The following UGT2B4 variants were observed in gnomAD, a reference collection of about 807,000 sequenced individuals.
UGT2B4 encodes the protein UDP glucuronosyltransferase family 2 member B4, also known as UDP-glucuronosyltransferase 2B4.
UGT2B4 carries 49 observed loss-of-function variants against 49.8 expected under a neutral mutation model. The observed-to-expected ratio is 0.98, with a 90% CI of 0.78 to 1.25. UGT2B4 has a LOEUF of 1.25. UGT2B4 is among the 50% of genes most tolerant of loss of function. The probability of loss-of-function intolerance (pLI) is 0.00; values close to 1 mark genes in which losing one functional copy is unlikely to be tolerated. For synonymous variants in UGT2B4, 246 were observed against 217.7 expected, an observed-to-expected ratio of 1.13 and a Z score of -1.14; for missense variants, 729 against 627.7, an observed-to-expected ratio of 1.16 and a Z score of -1.73.
At chr4:69,501,197 A>G (rs1053201874) in intron 1 of UGT2B4, among the ~76,000 whole-genome samples, 1 of 138,846 alleles carries the variant, frequency 7.2e-6, no homozygotes, top group African/African-American at 2.7e-5. Context: ...CTGTTTGAGC[A>G]ACTTAGCTGT....
At position 69,523,198 on chromosome 4, in the gene UGT2B4, A is replaced by AAAAAT. The variant is rs1577907815; in HGVS notation, c.-106+2488_-106+2489insATTTT. Among the ~76,000 whole-genome samples, 4 of 152,168 alleles carry AAAAAT rather than the reference A, an allele frequency of 2.6e-5. No homozygotes were observed. In the East Asian group the frequency reaches 5.8e-4, roughly 22 times the overall value. The stretch of plus-strand genomic sequence containing the variant: ...TTTTAACCTGGTCTCATAAGTTATG[A>AAAAAT]CTACTTCAAATATCTTCTAAAATGG... On this transcript the variant is annotated intron_variant, in intron 1 of 1. Transcript: ENST00000510114.
chr4:69,518,356 G>C (rs1728779940), intron 1 of UGT2B4: 1 of 152,240 alleles, frequency 6.6e-6, no homozygotes, highest in Non-Finnish European at 1.5e-5. Context: ...CAGCACAGCA[G>C]AGCTGAGGTA....
At chr4:69,483,290 C>T (rs772575881) in intron 5 of UGT2B4, among the ~76,000 whole-genome samples, 2 of 152,048 alleles carry the variant, frequency 1.3e-5, no homozygotes, top group Non-Finnish European at 2.9e-5. Flanking sequence ...TGACCCTCCC[C>T]ATGTAACTTC....
Position 69,493,435 on chromosome 4 carries a change from C to G in UGT2B4, c.870+258G>C, listed in dbSNP as rs188235323. 7.2e-5 allele frequency among the ~76,000 whole-genome samples: 11 copies of G among 152,180 alleles called. No individual in the cohort carries two copies. The East Asian group carries it at 2.1e-3, about 29-fold the overall frequency. On this transcript the variant is annotated intron_variant, in intron 2 of 5. Transcript: ENST00000305107. ...TATTCTTTGAATGAATGGCCAGTAC[C>G]TTCTTATATGTTGCATAATCAAAGC... is the stretch of plus-strand genomic sequence containing the variant.
intron 1 of UGT2B4, among the ~76,000 whole-genome samples, chr4:69,525,344 A>T (rs1279594497): frequency 6.6e-6 from 1 of 152,164 alleles, no homozygotes; most frequent in African/African-American, 2.4e-5. Flanking sequence ...GTGAATACTG[A>T]CTGCATCTGA....
At position 69,485,205 on chromosome 4, in the gene UGT2B4, C is replaced by G. The variant is rs916548300; in HGVS notation, c.1310+3G>C. 34 of 1,613,714 alleles carry G rather than the reference C, an allele frequency of 2.1e-5. No individual in the cohort carries two copies. In the South Asian group the frequency reaches 3.4e-4, roughly 16 times the overall value. On this transcript the variant is annotated splice_donor_region_variant and intron_variant, in intron 5 of 5. Coordinates refer to ENST00000305107, the MANE Select transcript of UGT2B4 (RefSeq NM_021139.3). ...CACCGAGTAAAAAAAAAGTTATACT[C>G]ACAAAGGATCATTAATTACTGTCTT...
Position 69,480,722 on chromosome 4 carries a change from C to A in UGT2B4, c.1499G>T (p.Cys500Phe), listed in dbSNP as rs1462688382. Residue 500 changes from cysteine (C) to phenylalanine (F), a missense_variant, in exon 6 of 6, where the codon TGT becomes TTT. Physicochemically the swap from Cys to Phe is radical, Grantham distance 205. Transcript: ENST00000305107. ...GATGATGAATATCACAGTTGCCACA[C>A]AGGCCAGCAGGAACCCAGTCACATC... ...SLDVTGFLLA[C>F]VATVIFIITK... 6.8e-6 allele frequency: 11 copies of A among 1,613,936 alleles called. No individual in the cohort carries two copies. The highest frequency in any genetic ancestry group is 9.3e-6 in the Non-Finnish European group (11 of 1,179,978).
Position 69,495,396 on chromosome 4 carries a change from A to T in UGT2B4, c.466T>A (p.Phe156Ile). Residue 156 changes from phenylalanine (F) to isoleucine (I), a missense_variant, in exon 1 of 6, where the codon TTT (phenylalanine) becomes ATT (isoleucine). By Grantham distance (21) the Phe-to-Ile change is conservative (BLOSUM62 0). Transcript: ENST00000305107. ...AGTAACTCGGCCAGCAGCTCACCAA[A>T]GGGGAAAACAGCATCTGCAAGAACA... ...DVVLADAVFP[F>I]GELLAELLKI... The T allele has an allele frequency of 6.2e-7, 1 of 1,614,004 alleles. No individual in the cohort carries two copies. The highest frequency in any genetic ancestry group is 1.3e-5 in the African/African-American group (1 of 75,034).
At chr4:69,496,927 T>C (rs1039118016), upstream of UGT2B4, among the ~76,000 whole-genome samples, 1 of 139,830 alleles carries the variant, frequency 7.2e-6, no homozygotes, top group African/African-American at 2.6e-5. Context: ...CTTTGTTGAA[T>C]TAATGAAGGA....
chr4:69,487,047 C>A (rs905726186), intron 3 of UGT2B4, among the ~76,000 whole-genome samples: 12 of 152,106 alleles, frequency 7.9e-5, no homozygotes, highest in African/African-American at 1.9e-4. Context: ...CCATCTCACA[C>A]CAGTCAGAAT....
At chr4:69,519,067 A>G (rs895846959) in intron 1 of UGT2B4, among the ~76,000 whole-genome samples, 1 of 152,234 alleles carries the variant, frequency 6.6e-6, no homozygotes, top group East Asian at 1.9e-4. Context: ...GTGGGTATGG[A>G]TCACAGAGAA....
intron 1 of UGT2B4, among the ~76,000 whole-genome samples, chr4:69,511,641 G>C (rs189190151): frequency 1.3e-5 from 2 of 151,760 alleles, no homozygotes; most frequent in African/African-American, 4.8e-5. Flanking sequence ...TATTTCTGTC[G>C]CGTGTTTGTC....
chr4:69,491,196 C>T (rs915661229), intron 2 of UGT2B4, among the ~76,000 whole-genome samples: 5 of 149,550 alleles, frequency 3.3e-5, no homozygotes, highest in Admixed American at 6.7e-5. Flanking sequence ...CTACAAAAAA[C>T]GTGTCAGCCT....
At chr4:69,486,454 CT>C in intron 4 of UGT2B4, 154 bp downstream of exon 4, 2 of 367,638 alleles carry the variant, frequency 5.4e-6, no homozygotes, top group Middle Eastern at 7.2e-4. Flanking sequence ...ACAATTTATT[CT>C]TTTCCCCCGG....
chr4:69,500,200 A>G (rs138667838), upstream of UGT2B4, among the ~76,000 whole-genome samples: 1,291 of 152,206 alleles, frequency 8.5e-3, 22 homozygotes, highest in African/African-American at 0.029. Flanking sequence ...AACAACGAGA[A>G]CACGTGGACA....
chr4:69,491,790 G>C (rs1172728607), intron 2 of UGT2B4, among the ~76,000 whole-genome samples: 1 of 152,042 alleles, frequency 6.6e-6, no homozygotes, highest in South Asian at 2.1e-4. Flanking sequence ...GAGTAGGATA[G>C]GGTGGGACAG....
chr4:69,509,692 A>T (rs1728558872), intron 1 of UGT2B4, among the ~76,000 whole-genome samples: 1 of 152,008 alleles, frequency 6.6e-6, no homozygotes, highest in Non-Finnish European at 1.5e-5. Flanking sequence ...TCATTTATTA[A>T]TTAGGGTTTC....
At position 69,480,538 on chromosome 4, in the gene UGT2B4, A is replaced by T; in HGVS notation, c.*96T>A. 6.6e-7 allele frequency: 1 copy of T among 1,506,360 alleles called. No individual in the cohort carries two copies. The highest frequency in any genetic ancestry group is 8.9e-7 in the Non-Finnish European group (1 of 1,126,562). 93.3% of individuals were successfully genotyped at this position (1,506,360 alleles called of 1,614,324 possible). A position where few individuals can be genotyped will look rare whatever the true frequency, so the allele number is the denominator to read the frequency against. The stretch of plus-strand genomic sequence containing the variant: ...AAGTTTTGAAAGATGTTTTGTCACA[A>T]GAAGAAAGGAATCTCTTGTATCACA... On this transcript the variant is annotated 3_prime_UTR_variant, in exon 6 of 6. Coordinates refer to ENST00000305107, the MANE Select transcript of UGT2B4 (RefSeq NM_021139.3).
chr4:69,485,814 T>C (rs933737149), intron 4 of UGT2B4, among the ~76,000 whole-genome samples: 1 of 152,134 alleles, frequency 6.6e-6, no homozygotes, highest in Admixed American at 6.5e-5. Flanking sequence ...CAGGGTGGAG[T>C]GCAGTGGTGC....
Sources: gnomAD v4.1 joint callset for allele counts (sites outside exome capture counted in the v4.1 genomes callset) on GRCh38, gnomAD v4.1.1 for gene constraint, MANE v1.5 for transcripts, NCBI Gene and HGNC (gene_info 2026-07-23, HGNC 2026-07-21) for gene names.